The following PLD1 variants were observed in gnomAD, a reference collection of about 807,000 sequenced individuals.
PLD1 encodes the protein phospholipase D1.
A neutral mutation model predicts 137.1 loss-of-function variants in PLD1; 112 were observed. The ratio of observed to expected loss-of-function variants is 0.82; its 90% confidence interval spans 0.70 to 0.96. The LOEUF is 0.96. PLD1 is among the 40% of genes least tolerant of loss of function. The probability of loss-of-function intolerance (pLI) is 0.00; values close to 1 mark genes in which losing one functional copy is unlikely to be tolerated. For missense variants in PLD1, 1,321 were observed against 1,342.0 expected, an observed-to-expected ratio of 0.98 and a Z score of 0.24; for synonymous variants, 431 against 454.7, an observed-to-expected ratio of 0.95 and a Z score of 0.66.
intron 9 of PLD1, among the ~76,000 whole-genome samples, chr3:171,713,586 T>C (rs1224201192): frequency 6.6e-6 from 1 of 152,244 alleles, no homozygotes; most frequent in Non-Finnish European, 1.5e-5. Context: ...AAGTAAAAGT[T>C]TCATTTATTT....
At chr3:171,670,816 A>C (rs1261527362) in intron 19 of PLD1, among the ~76,000 whole-genome samples, 1 of 152,214 alleles carries the variant, frequency 6.6e-6, no homozygotes, top group Non-Finnish European at 1.5e-5. Flanking sequence ...AATGGCTTCT[A>C]TTTCTATTTA....
At chr3:171,640,996 T>C (rs1735686795) in intron 23 of PLD1, among the ~76,000 whole-genome samples, 1 of 152,086 alleles carries the variant, frequency 6.6e-6, no homozygotes, top group Non-Finnish European at 1.5e-5. Flanking sequence ...CTGAGTCAGG[T>C]GAAATAAATA....
chr3:171,634,565 T>A (rs1250887397), intron 23 of PLD1, among the ~76,000 whole-genome samples: 1 of 152,182 alleles, frequency 6.6e-6, no homozygotes, highest in Non-Finnish European at 1.5e-5. Context: ...ATTGGTGATG[T>A]ACATATCTTT....
intron 1 of PLD1, chr3:171,789,984 C>G (rs1261235873): frequency 2.6e-5 from 4 of 152,228 alleles, no homozygotes; most frequent in African/African-American, 9.7e-5. Context: ...AGAAAGGAGA[C>G]AGCAACATTT....
Position 171,612,508 on chromosome 3 carries a change from C to G in PLD1, c.2729-76G>C. 2.9e-6 allele frequency: 4 copies of G among 1,395,082 alleles called. No individual in the cohort carries two copies. The highest frequency in any genetic ancestry group is 4.0e-6 in the Non-Finnish European group (4 of 990,958). 86.4% of individuals were successfully genotyped at this position (1,395,082 alleles called of 1,614,324 possible). A position where few individuals can be genotyped will look rare whatever the true frequency, so the allele number is the denominator to read the frequency against. Reference sequence around the variant, plus strand: ...TGTTGGTTGCCCTCCCAACTCAATTCATCCTTGCAAACAAAACCGTAATTT... The same window carrying G: ...TGTTGGTTGCCCTCCCAACTCAATTGATCCTTGCAAACAAAACCGTAATTT... On this transcript the variant is annotated intron_variant, in intron 24 of 26. Transcript: ENST00000351298. The surrounding 1 kb of genome is among the most constrained non-coding windows in gnomAD (Gnocchi z 4.1).
At chr3:171,788,610 T>TG (rs1178131387) in intron 1 of PLD1, 1 of 148,508 alleles carries the variant, frequency 6.7e-6, no homozygotes, top group Non-Finnish European at 1.5e-5. Flanking sequence ...TACACATTTG[T>TG]TGAATTGTTT....
chr3:171,715,927 C>A (rs1289593307), intron 8 of PLD1, among the ~76,000 whole-genome samples: 2 of 133,390 alleles, frequency 1.5e-5, no homozygotes, highest in Non-Finnish European at 1.6e-5. Flanking sequence ...TCCCACCCCC[C>A]ACCCTCAAGT....
intron 8 of PLD1, among the ~76,000 whole-genome samples, chr3:171,721,012 G>C (rs535087083): frequency 2.0e-4 from 31 of 152,152 alleles, no homozygotes; most frequent in African/African-American, 6.5e-4. Context: ...AGCTCTCATC[G>C]CTACCTGAAT....
intron 19 of PLD1, among the ~76,000 whole-genome samples, chr3:171,662,599 G>C (rs545850483): frequency 6.6e-6 from 1 of 152,240 alleles, no homozygotes; most frequent in East Asian, 1.9e-4. Flanking sequence ...CATTTATTCA[G>C]AGCACCCATC....
intron 23 of PLD1, among the ~76,000 whole-genome samples, chr3:171,642,231 G>A (rs567711819): frequency 2.6e-4 from 39 of 152,030 alleles, no homozygotes; most frequent in African/African-American, 8.9e-4. Context: ...GTGGCGGGTG[G>A]ATCACCTGAG....
chr3:171,799,153 A>C (rs967312828), intron 1 of PLD1, among the ~76,000 whole-genome samples: 1 of 152,102 alleles, frequency 6.6e-6, no homozygotes, highest in Admixed American at 6.5e-5. Context: ...AGCCTGACCA[A>C]CACGGTGAAA....
At chr3:171,664,952 T>C (rs1428402010) in intron 19 of PLD1, among the ~76,000 whole-genome samples, 1 of 152,196 alleles carries the variant, frequency 6.6e-6, no homozygotes, top group Non-Finnish European at 1.5e-5. Flanking sequence ...GTACTAGATA[T>C]TCTATATACA....
At chr3:171,740,644 G>A (rs1229122432) in intron 1 of PLD1, among the ~76,000 whole-genome samples, 1 of 152,118 alleles carries the variant, frequency 6.6e-6, no homozygotes, top group African/African-American at 2.4e-5. Context: ...TCTACACAGT[G>A]TTACAGAGCC....
intron 23 of PLD1, among the ~76,000 whole-genome samples, chr3:171,633,505 A>G (rs1042458666): frequency 6.6e-6 from 1 of 152,052 alleles, no homozygotes; most frequent in African/African-American, 2.4e-5. Context: ...AGGCTAGGGG[A>G]GGGATAGCAT....
rs1714926241 is a variant in PLD1, at chr3:171,689,478, C to T, written c.1339-602G>A. On this transcript the variant is annotated intron_variant, in intron 13 of 26. Coordinates refer to ENST00000351298, the MANE Select transcript of PLD1 (RefSeq NM_002662.5). ...GCTTTGGCAACTACTTTCCTCTTTTCCTTCCTTCCCTCCTTCCTTCCTTCC... is the reference window on the plus strand; with the variant it reads ...GCTTTGGCAACTACTTTCCTCTTTTTCTTCCTTCCCTCCTTCCTTCCTTCC... 2.0e-5 allele frequency among the ~76,000 whole-genome samples: 3 copies of T among 149,384 alleles called. No homozygotes were observed. The South Asian group carries it at 6.4e-4, about 32-fold the overall frequency.
intron 22 of PLD1, chr3:171,643,280 C>G (rs894154531): frequency 6.2e-6 from 1 of 162,090 alleles, no homozygotes; most frequent in Admixed American, 6.5e-5. Flanking sequence ...AAAGGGCAAG[C>G]ACTTAGCAGA....
chr3:171,619,173 T>G (rs1733379754), intron 24 of PLD1, among the ~76,000 whole-genome samples: 1 of 152,204 alleles, frequency 6.6e-6, no homozygotes, highest in South Asian at 2.1e-4. Context: ...CTAAATAACA[T>G]GACCCACACT....
At chr3:171,628,048 T>C (rs1330710517) in intron 23 of PLD1, among the ~76,000 whole-genome samples, 1 of 151,632 alleles carries the variant, frequency 6.6e-6, no homozygotes, top group Non-Finnish European at 1.5e-5. Context: ...CAAAAAACCC[T>C]TCAAAAAATT....
At position 171,764,889 on chromosome 3, in the gene PLD1, A is replaced by AAG. The variant is rs1259884281; in HGVS notation, c.-31-26809_-31-26808dup. 3.1e-3 allele frequency among the ~76,000 whole-genome samples: 81 copies of AAG among 26,496 alleles called. 4 individuals are homozygous for AAG. Among genetic ancestry groups the AAG allele is most frequent in the Non-Finnish European group, 4.9e-3 (59 of 12,074 alleles). The allele number at this position is 26,496 out of a possible 152,430, so 17.4% of individuals were successfully genotyped here. ...AAAGAAAGAAAGAAAGAAAGAAAGA[A>AAG]AGAAAGGAAGGAAGGAAGGAAGGAA... On this transcript the variant is annotated intron_variant, in intron 1 of 26. Transcript: ENST00000351298.
Sources: gnomAD v4.1 joint callset for allele counts (sites outside exome capture counted in the v4.1 genomes callset) on GRCh38, gnomAD v4.1.1 for gene constraint, Gnocchi (gnomAD v3.1) non-coding constraint, MANE v1.5 for transcripts, NCBI Gene and HGNC (gene_info 2026-07-23, HGNC 2026-07-21) for gene names.